DCAF6: variants seen among roughly 807,000 people sequenced by gnomAD.
The protein encoded by DCAF6 is DDB1 and CUL4 associated factor 6, also known as DDB1- and CUL4-associated factor 6.
DCAF6 carries 54 observed loss-of-function variants against 125.1 expected under a neutral mutation model. The observed-to-expected ratio is 0.43, with a 90% CI of 0.35 to 0.54. DCAF6 has a LOEUF of 0.54. Among genes scored for constraint, DCAF6 ranks in the 20% least tolerant of loss-of-function variants. The pLI, the probability that DCAF6 is intolerant of heterozygous loss-of-function variation, is 0.01. For synonymous variants in DCAF6, 371 were observed against 390.4 expected, an observed-to-expected ratio of 0.95 and a Z score of 0.58; for missense variants, 934 against 1,161.7, an observed-to-expected ratio of 0.80 and a Z score of 2.85.
At chr1:168,052,409 A>C (rs1690059452) in intron 17 of DCAF6, among the ~76,000 whole-genome samples, 1 of 152,208 alleles carries the variant, frequency 6.6e-6, no homozygotes, top group African/African-American at 2.4e-5. Flanking sequence ...AAAGCAGAAA[A>C]TGTAACAGTT....
rs894653894 is a variant in DCAF6 at position 168,021,701 on chromosome 1, C to T, written c.1550-1287C>T. 2.0e-5 allele frequency among the ~76,000 whole-genome samples: 3 copies of T among 151,982 alleles called. No individual in the cohort carries two copies. In the South Asian group the frequency reaches 6.2e-4, roughly 31 times the overall value. ...AAAATACATGAACAAACTGGTGATA[C>T]TAGAAGATGGAAGATTTAAAGTTGA... On this transcript the variant is annotated intron_variant, in intron 11 of 21. Coordinates refer to ENST00000367840, the MANE Select transcript of DCAF6 (RefSeq NM_001198956.2).
At chr1:167,890,511 G>A in the DCAF6 span, among the ~76,000 whole-genome samples, 1 of 152,160 alleles carries the variant, frequency 6.6e-6, no homozygotes, top group Non-Finnish European at 1.5e-5. Context: ...CAGACCTGAA[G>A]CTAGCACAGC....
intron 11 of DCAF6, among the ~76,000 whole-genome samples, chr1:168,021,993 G>A (rs1406231544): frequency 6.6e-6 from 1 of 152,012 alleles, no homozygotes; most frequent in African/African-American, 2.4e-5. Flanking sequence ...GGAGAGTTGC[G>A]CTTATTACCT....
At chr1:167,901,750 GAT>G in the DCAF6 span, 1 of 1,614,188 alleles carries the variant, frequency 6.2e-7, no homozygotes, top group Non-Finnish European at 8.5e-7. Context: ...TTACCACTGT[GAT>G]AATGTTTTTC....
At chr1:168,018,116 G>T (rs571990204) in intron 11 of DCAF6, among the ~76,000 whole-genome samples, 1 of 152,274 alleles carries the variant, frequency 6.6e-6, no homozygotes, top group East Asian at 1.9e-4. Flanking sequence ...CCTAATTCCT[G>T]TAGGAAAGTT....
chr1:167,877,357 G>A, the DCAF6 span, among the ~76,000 whole-genome samples: 1 of 151,332 alleles, frequency 6.6e-6, no homozygotes, highest in Admixed American at 6.6e-5. Flanking sequence ...CTTTATTGAT[G>A]GCCTATGTAT....
chr1:167,871,577 T>C, the DCAF6 span, among the ~76,000 whole-genome samples: 1 of 152,216 alleles, frequency 6.6e-6, no homozygotes, highest in Non-Finnish European at 1.5e-5. Flanking sequence ...GTCAAAAAAG[T>C]TGGAGACTCA....
the DCAF6 span, among the ~76,000 whole-genome samples, chr1:167,863,772 G>A: frequency 6.6e-6 from 1 of 152,232 alleles, no homozygotes; most frequent in Non-Finnish European, 1.5e-5. Context: ...GGCCCCCGTG[G>A]AGGATCAACA....
chr1:167,899,248 G>T, the DCAF6 span, among the ~76,000 whole-genome samples: 14 of 152,124 alleles, frequency 9.2e-5, no homozygotes, highest in African/African-American at 3.1e-4. Context: ...ACCAGCCTGG[G>T]CTCCTCCCAG....
At chr1:167,955,656 C>T (rs1415332446) in intron 2 of DCAF6, among the ~76,000 whole-genome samples, 1 of 151,436 alleles carries the variant, frequency 6.6e-6, no homozygotes, top group East Asian at 1.9e-4. Flanking sequence ...AGTTTTACTT[C>T]TTTTCTAGTC....
At chr1:167,912,997 A>G in the DCAF6 span, among the ~76,000 whole-genome samples, 5 of 152,332 alleles carry the variant, frequency 3.3e-5, no homozygotes, top group East Asian at 9.6e-4. Context: ...TATACGCTTT[A>G]TAGCACTTTG....
chr1:168,043,124 A>T lies in DCAF6; in HGVS notation c.1827A>T (p.Glu609Asp). The T allele has an allele frequency of 6.2e-7, 1 of 1,612,482 alleles. No individual in the cohort carries two copies. Among genetic ancestry groups the T allele is most frequent in the Non-Finnish European group, 8.5e-7 (1 of 1,179,066 alleles). ...CACAGAGCTCAGTGCAACCACCAGA[A>T]GGAGACAGTGAAACAAGTAAGGTGT... ...FVPQSSVQPP[E>D]GDSETKAPEE... The change falls in exon 14 of 22, where the codon GAA becomes GAT. Residue 609 changes from glutamate (E) to aspartate (D), a missense_variant. Physicochemically the swap from Glu to Asp is conservative, Grantham distance 45. Around this residue, in one of 5 missense-constraint regions of DCAF6, gnomAD observed 559 missense variants for 635.5 expected, o/e 0.88. Transcript: ENST00000367840.
chr1:168,051,067 T>C, intron 17 of DCAF6, 134 bp downstream of exon 17: 1 of 441,098 alleles, frequency 2.3e-6, no homozygotes. Context: ...TGCTAAGCAT[T>C]GTAAAGCAGG....
upstream of DCAF6, chr1:167,936,459 C>T (rs1008899370): frequency 3.3e-5 from 6 of 182,408 alleles, no homozygotes; most frequent in East Asian, 3.4e-4. Flanking sequence ...CGTCTTTTAT[C>T]CCTAGCGACT....
At chr1:167,904,618 T>G in the DCAF6 span, 1 of 519,900 alleles carries the variant, frequency 1.9e-6, no homozygotes, top group Admixed American at 3.3e-5. Flanking sequence ...TCTGAAGAGG[T>G]GGCAAGTTTA....
chr1:168,021,643 A>G (rs1685682203), intron 11 of DCAF6, among the ~76,000 whole-genome samples: 1 of 152,222 alleles, frequency 6.6e-6, no homozygotes, highest in Non-Finnish European at 1.5e-5. Context: ...TTATTCAAAT[A>G]ATGATCATGT....
At chr1:167,875,185 T>C in the DCAF6 span, 3 of 1,614,090 alleles carry the variant, frequency 1.9e-6, no homozygotes, top group African/African-American at 1.3e-5. Flanking sequence ...ATACCAAACA[T>C]GCTGAAGAGA....
At chr1:167,916,847 A>C in the DCAF6 span, 1 of 152,364 alleles carries the variant, frequency 6.6e-6, no homozygotes, top group East Asian at 1.9e-4. Context: ...AAATGAATTT[A>C]ACAGTGTGGT....
chr1:168,010,678 A>G (rs963822905), intron 10 of DCAF6, among the ~76,000 whole-genome samples: 1 of 152,172 alleles, frequency 6.6e-6, no homozygotes, highest in African/African-American at 2.4e-5. Flanking sequence ...AATGAGAAAG[A>G]TACGACCATG....
Sources: gnomAD v4.1 joint callset for allele counts (sites outside exome capture counted in the v4.1 genomes callset) on GRCh38, gnomAD v4.1.1 for gene constraint, gnomAD v4.1.1 regional missense constraint, MANE v1.5 for transcripts, NCBI Gene and HGNC (gene_info 2026-07-23, HGNC 2026-07-21) for gene names.